BMPER: variants seen among roughly 807,000 people sequenced by gnomAD.
The protein encoded by BMPER is BMP binding endothelial regulator, also known as BMP-binding endothelial regulator protein.
Under a neutral mutation model 87.3 loss-of-function variants are expected in BMPER, and 45 were observed. That is an observed-to-expected ratio of 0.52 (90% CI 0.41 to 0.66). The LOEUF is 0.66. Among genes scored for constraint, BMPER ranks in the 30% least tolerant of loss-of-function variants. The probability of loss-of-function intolerance (pLI) is 0.00; values close to 1 mark genes in which losing one functional copy is unlikely to be tolerated. For missense variants in BMPER, 784 were observed against 867.5 expected (o/e 0.90, Z 1.21); for synonymous variants, 326 against 316.2 (o/e 1.03, Z -0.33).
At chr7:33,967,351 A>C (rs1785431195) in intron 4 of BMPER, among the ~76,000 whole-genome samples, 1 of 152,228 alleles carries the variant, frequency 6.6e-6, no homozygotes, top group Non-Finnish European at 1.5e-5. Context: ...ATGCTTTTGC[A>C]TTTAAAGGAA....
intron 3 of BMPER, among the ~76,000 whole-genome samples, chr7:33,938,872 A>G (rs1037821621): frequency 2.0e-5 from 3 of 152,110 alleles, no homozygotes; most frequent in African/African-American, 7.2e-5. Context: ...CTAAAAATAT[A>G]AAAATTAGCC....
chr7:34,092,682 A>G (rs1789419550), intron 13 of BMPER, among the ~76,000 whole-genome samples: 1 of 152,120 alleles, frequency 6.6e-6, no homozygotes. Flanking sequence ...TGATCCATCC[A>G]AGTCACCCAA....
chr7:33,952,262 G>A (rs1398202588), intron 3 of BMPER, among the ~76,000 whole-genome samples: 8 of 152,206 alleles, frequency 5.3e-5, no homozygotes, highest in Middle Eastern at 3.4e-3. Flanking sequence ...ATGATTCTGC[G>A]TCTGCTTATA....
intron 6 of BMPER, among the ~76,000 whole-genome samples, chr7:33,994,478 C>G (rs1473518243): frequency 6.6e-6 from 1 of 152,208 alleles, no homozygotes; most frequent in African/African-American, 2.4e-5. Context: ...CCTGCTTTGG[C>G]TCGCGCATGG....
intron 10 of BMPER, among the ~76,000 whole-genome samples, chr7:34,061,277 T>C (rs1788429431): frequency 6.6e-6 from 1 of 152,230 alleles, no homozygotes; most frequent in African/African-American, 2.4e-5. Context: ...CAACTGATTT[T>C]CTGATATGAG....
intron 2 of BMPER, among the ~76,000 whole-genome samples, chr7:33,919,895 GATTTTATAA>G (rs1389795134): frequency 6.7e-6 from 1 of 150,098 alleles, no homozygotes; most frequent in Non-Finnish European, 1.5e-5. Context: ...GACTGTGCTA[GATTTTATAA>G]GGTTATGTAT....
At chr7:34,066,120 C>T (rs1473302475) in intron 11 of BMPER, among the ~76,000 whole-genome samples, 1 of 152,192 alleles carries the variant, frequency 6.6e-6, no homozygotes, top group Non-Finnish European at 1.5e-5. Context: ...TCTCAGATCT[C>T]TGAAAGGAGT....
intron 2 of BMPER, among the ~76,000 whole-genome samples, chr7:33,919,923 A>ATATCTATCTATCTATCTATC (rs61007454): frequency 0.023 from 3,465 of 150,802 alleles, 41 homozygotes; most frequent in South Asian, 0.034. Flanking sequence ...ATCTGTGTAC[A>ATATCTATCTATCTATCTATC]TATCTATCTA....
At chr7:34,012,190 T>C (rs1786901467) in intron 6 of BMPER, among the ~76,000 whole-genome samples, 2 of 151,952 alleles carry the variant, frequency 1.3e-5, no homozygotes, top group Non-Finnish European at 2.9e-5. Context: ...GGCTAAAAGT[T>C]CACAGAGACT....
In BMPER at chr7:34,021,120, C is replaced by T. The variant is rs537305930; in HGVS notation, c.577-25186C>T. On this transcript the variant is annotated intron_variant, in intron 6 of 14. Coordinates refer to ENST00000649409, the MANE Select transcript of BMPER (RefSeq NM_001365308.1). ...TATTTGGGCAAAGTTAATGCAAATA[C>T]GAGAAGAGCATTTTTTTAAGTTTTG... Among the ~76,000 whole-genome samples, 9 of 151,978 alleles carry T rather than the reference C, an allele frequency of 5.9e-5. No individual in the cohort carries two copies. In the South Asian group the frequency reaches 6.2e-4, roughly 11 times the overall value.
At chr7:33,975,062 A>G (rs545021050) in intron 6 of BMPER, among the ~76,000 whole-genome samples, 2 of 152,130 alleles carry the variant, frequency 1.3e-5, no homozygotes, top group African/African-American at 4.8e-5. Context: ...AAACCCCTCC[A>G]GCTATATCAC....
At chr7:34,125,208 T>C (rs1790370697) in intron 13 of BMPER, among the ~76,000 whole-genome samples, 2 of 152,332 alleles carry the variant, frequency 1.3e-5, no homozygotes, top group African/African-American at 4.8e-5. Flanking sequence ...AAAATTATTA[T>C]AATTCTCTAG....
At chr7:33,905,290 C>T, upstream of BMPER, 1 of 434,676 alleles carries the variant, frequency 2.3e-6, no homozygotes, top group South Asian at 2.1e-5. Context: ...GCCGCAACAC[C>T]CCTTCCTCCT....
chr7:34,046,161 C>T, intron 6 of BMPER, 145 bp from the exon 7 acceptor site: 1 of 781,624 alleles, frequency 1.3e-6, no homozygotes, highest in Non-Finnish European at 2.2e-6. Context: ...TCAAAGGACG[C>T]TTGGGGAAAA....
At chr7:34,018,614 A>G (rs954119411) in intron 6 of BMPER, among the ~76,000 whole-genome samples, 3 of 151,844 alleles carry the variant, frequency 2.0e-5, no homozygotes, top group African/African-American at 7.2e-5. Flanking sequence ...TGTGGCTTGC[A>G]CTTGGTGAAT....
In BMPER at chr7:34,155,413, C is replaced by T. The variant is rs1444045942; in HGVS notation, c.*2140C>T. On this transcript the variant is annotated 3_prime_UTR_variant, in exon 15 of 15. Transcript: ENST00000649409. ...TTATTCTCCCCATGAGGCTAACCGG[C>T]CTCTTTCCCAACACTTAATCATGGC... 6.6e-6 allele frequency: 1 copy of T among 152,050 alleles called. No homozygotes were observed. Among genetic ancestry groups the T allele is most frequent in the African/African-American group, 2.4e-5 (1 of 41,372 alleles). The allele number at this position is 152,050 out of a possible 1,614,324, so 9.4% of individuals were successfully genotyped here.
At chr7:34,145,779 C>T (rs1791001341) in intron 14 of BMPER, among the ~76,000 whole-genome samples, 4 of 152,210 alleles carry the variant, frequency 2.6e-5, no homozygotes. Flanking sequence ...TGATCCTTCT[C>T]TTCCTGGCCC....
At chr7:34,115,660 A>G (rs1227503529) in intron 13 of BMPER, among the ~76,000 whole-genome samples, 1 of 152,240 alleles carries the variant, frequency 6.6e-6, no homozygotes, top group Non-Finnish European at 1.5e-5. Context: ...TGTAGCATGT[A>G]TCAGTAACTC....
intron 13 of BMPER, among the ~76,000 whole-genome samples, chr7:34,090,059 A>G (rs1465250042): frequency 6.6e-6 from 1 of 152,234 alleles, no homozygotes; most frequent in Non-Finnish European, 1.5e-5. Flanking sequence ...GCTTTAATTA[A>G]CTAACTGAAT....
Sources: allele counts gnomAD v4.1 joint callset (sites outside exome capture counted in the v4.1 genomes callset), GRCh38; gene constraint gnomAD v4.1.1; transcripts MANE v1.5; gene names NCBI Gene and HGNC (gene_info 2026-07-23, HGNC 2026-07-21).